Variants in FLVCR2 observed in about 807,000 individuals in gnomAD.
FLVCR2 encodes FLVCR choline and putative heme transporter 2, also known as choline/ethanolamine transporter FLVCR2.
Under a neutral mutation model 48.9 loss-of-function variants are expected in FLVCR2, and 38 were observed. The ratio of observed to expected loss-of-function variants is 0.78; its 90% CI spans 0.60 to 1.02. The LOEUF is 1.02. Among genes scored for constraint, FLVCR2 ranks in the 50% least tolerant of loss-of-function variants. FLVCR2 has a pLI of 0.00. For synonymous variants in FLVCR2, 255 were observed against 257.0 expected (o/e 0.99, Z 0.07); for missense variants, 664 against 663.3 (o/e 1.00, Z -0.01).
At chr14:75,623,497 A>G (rs1176288711) in intron 2 of FLVCR2, among the ~76,000 whole-genome samples, 1 of 152,104 alleles carries the variant, frequency 6.6e-6, no homozygotes, top group Non-Finnish European at 1.5e-5. Context: ...CACATGTTAA[A>G]GGTTTCATTC....
At chr14:75,594,511 G>A (rs1028853058) in intron 1 of FLVCR2, among the ~76,000 whole-genome samples, 3 of 152,164 alleles carry the variant, frequency 2.0e-5, no homozygotes, top group African/African-American at 4.8e-5. Context: ...TGGGTAATTC[G>A]CATTGAACAG....
intron 1 of FLVCR2, among the ~76,000 whole-genome samples, chr14:75,587,870 G>T (rs1056444406): frequency 6.6e-6 from 1 of 152,186 alleles, no homozygotes. Flanking sequence ...AGGGGACTTC[G>T]CCAGGACCTT....
In FLVCR2 at chr14:75,639,456, C is replaced by T. The variant is rs1890253618; in HGVS notation, c.1229C>T (p.Thr410Ile). Residue 410 changes from threonine to isoleucine, a missense_variant, in exon 6 of 10, where the codon ACA becomes ATA. Coordinates refer to ENST00000238667, the MANE Select transcript of FLVCR2 (RefSeq NM_017791.3). ...TGGGTAGTGTTCATCACTGCTGGCA[C>T]AATGGGGTAAGTTTCACCTCTGGCT... ...HLWVVFITAG[T>I]MGFFMTGYLP... 1.2e-6 allele frequency: 2 copies of T among 1,605,834 alleles called. No homozygotes were observed. Among genetic ancestry groups the T allele is most frequent in the Non-Finnish European group, 1.7e-6 (2 of 1,172,494 alleles).
At chr14:75,642,504 C>T (rs1177897116) in intron 9 of FLVCR2, among the ~76,000 whole-genome samples, 1 of 152,074 alleles carries the variant, frequency 6.6e-6, no homozygotes, top group African/African-American at 2.4e-5. Flanking sequence ...AGCTGGGAAC[C>T]ACTTTAAACA....
chr14:75,644,370 T>A (rs1164696840), intron 9 of FLVCR2, among the ~76,000 whole-genome samples: 1 of 152,232 alleles, frequency 6.6e-6, no homozygotes, highest in African/African-American at 2.4e-5. Flanking sequence ...CAACCTCATG[T>A]CTACTGTGTA....
intron 3 of FLVCR2, chr14:75,631,733 T>G (rs985855088): frequency 6.6e-6 from 3 of 455,854 alleles, no homozygotes; most frequent in African/African-American, 6.0e-5. Context: ...CTATTTTCTT[T>G]CTTCTCCTTC....
chr14:75,641,134 A>G, intron 7 of FLVCR2, 48 bp from the exon 8 acceptor site: 1 of 1,550,380 alleles, frequency 6.5e-7, no homozygotes, highest in East Asian at 2.2e-5. Flanking sequence ...CTTCCTCATG[A>G]GTTAGTTGAC....
rs779454753 is a variant in FLVCR2, at chr14:75,641,793, C to T, written c.1454-50C>T. 72 of 1,495,256 alleles carry T rather than the reference C, an allele frequency of 4.8e-5. 1 individual carries two copies. The South Asian group carries it at 7.3e-4, about 15-fold the overall frequency. 92.6% of individuals were successfully genotyped at this position (1,495,256 alleles called of 1,614,324 possible). ...ATGAAGGTTTCTTCTCTCGGATGAA[C>T]GTGATAACTGTATTTTTGTCTCTCT... On this transcript the variant is annotated intron_variant, in intron 8 of 9. Transcript: ENST00000238667.
intron 1 of FLVCR2, among the ~76,000 whole-genome samples, chr14:75,621,556 T>G (rs1270168739): frequency 6.6e-6 from 1 of 152,214 alleles, no homozygotes; most frequent in African/African-American, 2.4e-5. Flanking sequence ...CTTTAGAAGT[T>G]ACTACGTTAT....
intron 1 of FLVCR2, among the ~76,000 whole-genome samples, chr14:75,588,883 C>T (rs1003370877): frequency 6.6e-6 from 1 of 152,154 alleles, no homozygotes; most frequent in Non-Finnish European, 1.5e-5. Context: ...CATTCTATCC[C>T]AATAGCCCTG....
intron 1 of FLVCR2, among the ~76,000 whole-genome samples, chr14:75,607,005 G>A (rs1045294600): frequency 6.6e-6 from 1 of 151,950 alleles, no homozygotes; most frequent in Non-Finnish European, 1.5e-5. Flanking sequence ...AGCTCCTCTA[G>A]GTTGGGACCC....
At chr14:75,613,858 G>A (rs1325132578) in intron 1 of FLVCR2, among the ~76,000 whole-genome samples, 1 of 152,106 alleles carries the variant, frequency 6.6e-6, no homozygotes, top group Non-Finnish European at 1.5e-5. Flanking sequence ...GCCTCAACAT[G>A]AGCTTTAGAG....
chr14:75,578,643 C>CCCG lies in FLVCR2; in HGVS notation c.-330_-329insCCG, dbSNP rs1888511172. 4 of 415,136 alleles carry CCCG rather than the reference C, an allele frequency of 9.6e-6. No individual in the cohort carries two copies. Among genetic ancestry groups the CCCG allele is most frequent in the Non-Finnish European group, 1.8e-5 (4 of 223,912 alleles). The allele number at this position is 415,136 out of a possible 1,614,324, so 25.7% of individuals were successfully genotyped here. On this transcript the variant is annotated 5_prime_UTR_variant, in exon 1 of 10. Coordinates refer to ENST00000238667, the MANE Select transcript of FLVCR2 (RefSeq NM_017791.3). ...GGAGAGGACTCTGCGGGCGAAGTGG[C>CCCG]TGCGCAAGGAGAGAACTTTTCCTGC...
intron 1 of FLVCR2, among the ~76,000 whole-genome samples, chr14:75,616,051 G>A (rs1468932713): frequency 1.4e-4 from 8 of 55,420 alleles, no homozygotes; most frequent in Non-Finnish European, 3.1e-4. Context: ...AAAAAAAATA[G>A]CGTAAGTCCA....
intron 1 of FLVCR2, among the ~76,000 whole-genome samples, chr14:75,601,775 G>A (rs1397761134): frequency 6.6e-6 from 1 of 152,202 alleles, no homozygotes; most frequent in African/African-American, 2.4e-5. Flanking sequence ...AGCAACCCAA[G>A]TGTCTGTGCT....
In FLVCR2 at chr14:75,639,344, A is replaced by G. The variant is rs774221533; in HGVS notation, c.1125-8A>G. 1 of 1,581,390 alleles carries G rather than the reference A, an allele frequency of 6.3e-7. No homozygotes were observed. Among genetic ancestry groups the G allele is most frequent in the Non-Finnish European group, 8.7e-7 (1 of 1,150,224 alleles). ...TGTTTGATTCAATTTCTTTGCCTCT[A>G]CTTGTAGAGAGACAACCCTGGTAGT... On this transcript the variant is annotated splice_polypyrimidine_tract_variant and splice_region_variant and intron_variant, in intron 5 of 9. Coordinates refer to ENST00000238667, the MANE Select transcript of FLVCR2 (RefSeq NM_017791.3).
At chr14:75,636,807 G>GGGT (rs1890177014) in intron 5 of FLVCR2, among the ~76,000 whole-genome samples, 1 of 151,976 alleles carries the variant, frequency 6.6e-6, no homozygotes, top group African/African-American at 2.4e-5. Flanking sequence ...GTTGGAAATT[G>GGGT]GGTGGTGAGG....
At chr14:75,600,487 C>G (rs984602639) in intron 1 of FLVCR2, among the ~76,000 whole-genome samples, 2 of 152,202 alleles carry the variant, frequency 1.3e-5, no homozygotes, top group African/African-American at 4.8e-5. Context: ...CCCCCAAATT[C>G]TTTCTTGTAT....
At chr14:75,604,576 T>C (rs921078198) in intron 1 of FLVCR2, among the ~76,000 whole-genome samples, 2 of 150,990 alleles carry the variant, frequency 1.3e-5, no homozygotes, top group African/African-American at 2.4e-5. Context: ...AAAAAAAAAG[T>C]ATTAAATAAA....
Sources: gnomAD v4.1 joint callset for allele counts (sites outside exome capture counted in the v4.1 genomes callset) on GRCh38, gnomAD v4.1.1 for gene constraint, MANE v1.5 for transcripts, NCBI Gene and HGNC (gene_info 2026-07-23, HGNC 2026-07-21) for gene names.